Variants in MIA2 observed in about 807,000 individuals in gnomAD.
MIA2 encodes the protein MIA SH3 domain ER export factor 2.
In MIA2, 127 loss-of-function variants were observed where a neutral mutation model predicts 167.8. The observed-to-expected ratio is 0.76, with a 90% CI of 0.66 to 0.88. The LOEUF (loss-of-function observed/expected upper bound fraction) is 0.88. MIA2 is among the 40% of genes least tolerant of loss of function. The pLI is 0.00. For synonymous variants in MIA2, 552 were observed against 541.9 expected (o/e 1.02, Z -0.26); for missense variants, 1,690 against 1,624.7 (o/e 1.04, Z -0.69).
In MIA2 at chr14:39,265,537, T is replaced by C. The variant is rs183510338; in HGVS notation, c.1888-11397T>C. Reference sequence around the variant, plus strand: ...GGGAACTTGGATTTTTCTTTTTTTTTCATTTTATCCTCTGTCCTTAATATT... The same window carrying C: ...GGGAACTTGGATTTTTCTTTTTTTTCCATTTTATCCTCTGTCCTTAATATT... On this transcript the variant is annotated intron_variant, in intron 6 of 28. Coordinates refer to ENST00000640607, the MANE Select transcript of MIA2 (RefSeq NM_001329214.4). The C allele has an allele frequency of 2.6e-4, 197 of 750,494 alleles. 1 individual carries two copies. The East Asian group carries it at 4.4e-3, about 17-fold the overall frequency. 46.5% of individuals were successfully genotyped at this position (750,494 alleles called of 1,614,324 possible).
At chr14:39,334,196 C>T (rs1049380644) in intron 25 of MIA2, among the ~76,000 whole-genome samples, 10 of 152,050 alleles carry the variant, frequency 6.6e-5, no homozygotes, top group African/African-American at 2.2e-4. Context: ...CTGAACAGGC[C>T]GGGTGTGGTG....
At chr14:39,378,013 G>C (rs2075077099) in intron 23 of MIA2, among the ~76,000 whole-genome samples, 1 of 152,104 alleles carries the variant, frequency 6.6e-6, no homozygotes, top group Non-Finnish European at 1.5e-5. Context: ...GTTTTTCCAA[G>C]GGGCTCCAGT....
intron 6 of MIA2, chr14:39,266,893 C>CCGT: frequency 1.4e-6 from 1 of 705,982 alleles, no homozygotes; most frequent in Non-Finnish European, 1.7e-6. Context: ...GCCGCCGCCG[C>CCGT]CACCGCGGCC....
At chr14:39,266,294 T>C in intron 6 of MIA2, 1 of 985,392 alleles carries the variant, frequency 1.0e-6, no homozygotes, top group African/African-American at 1.7e-5. Context: ...TACACCTACG[T>C]CAGCTAAAAC....
intron 25 of MIA2, among the ~76,000 whole-genome samples, chr14:39,332,961 G>T (rs2069288048): frequency 6.6e-6 from 1 of 152,012 alleles, no homozygotes; most frequent in Admixed American, 6.6e-5. Context: ...AGCTTATCTA[G>T]TAAAAGTTTT....
At chr14:39,354,737 A>G (rs2074477440), downstream of MIA2, among the ~76,000 whole-genome samples, 1 of 152,100 alleles carries the variant, frequency 6.6e-6, no homozygotes, top group Admixed American at 6.6e-5. Context: ...TAATTTTTGT[A>G]TAAGGTGTAA....
Position 39,320,920 on chromosome 14 carries a change from T to G in MIA2, c.3368-8T>G. On this transcript the variant is annotated splice_polypyrimidine_tract_variant and splice_region_variant and intron_variant, in intron 23 of 28. Transcript: ENST00000640607. ...ATGAATTTAAATATGCTGTTTTAATTATTCCAGAGCATTCCCCATATGGTC... is the reference window on the plus strand; with the variant it reads ...ATGAATTTAAATATGCTGTTTTAATGATTCCAGAGCATTCCCCATATGGTC... The G allele has an allele frequency of 1.9e-6, 3 of 1,608,714 alleles. No individual in the cohort carries two copies. The African/African-American group carries it at 4.0e-5, about 22-fold the overall frequency.
Position 39,294,023 on chromosome 14 carries a change from A to G in MIA2, c.2343A>G (p.Ile781Met), listed in dbSNP as rs2061079603. 2 of 1,612,008 alleles carry G rather than the reference A, an allele frequency of 1.2e-6. No individual in the cohort carries two copies. The highest frequency in any genetic ancestry group is 1.7e-6 in the Non-Finnish European group (2 of 1,178,916). ...AGATGGCGGATATTTCAAAAAGGAT[A>G]CAGTCTCTAGAAGATGAGTCAAAAT... ...DELMADISKR[I>M]QSLEDESKSL... The change falls in exon 12 of 29, where the codon ATA becomes ATG. Residue 781 changes from isoleucine to methionine, a missense_variant. By Grantham distance (10) the Ile-to-Met change is conservative. Coordinates refer to ENST00000640607, the MANE Select transcript of MIA2 (RefSeq NM_001329214.4).
At chr14:39,289,538 A>G (rs139087730) in intron 9 of MIA2, among the ~76,000 whole-genome samples, 131 of 152,308 alleles carry the variant, frequency 8.6e-4, no homozygotes, top group African/African-American at 3.0e-3. Context: ...GTTGGTAAGG[A>G]CATTAATTTC....
intron 2 of MIA2, 90 bp downstream of exon 2, chr14:39,237,145 G>A: frequency 7.0e-7 from 1 of 1,434,834 alleles, no homozygotes; most frequent in Non-Finnish European, 9.5e-7. Context: ...TTTGGAAACA[G>A]GGCCTGGCTC....
At chr14:39,366,577 TGC>T (rs1156962256) in intron 23 of MIA2, among the ~76,000 whole-genome samples, 1 of 151,580 alleles carries the variant, frequency 6.6e-6, no homozygotes, top group African/African-American at 2.4e-5. Context: ...CTAGGAGGAG[TGC>T]ACAGATGCCA....
chr14:39,295,311 G>T (rs532454274), intron 13 of MIA2, among the ~76,000 whole-genome samples: 2 of 152,272 alleles, frequency 1.3e-5, no homozygotes, highest in East Asian at 3.9e-4. Flanking sequence ...GGGGTACAGA[G>T]AATATGAGTG....
At chr14:39,360,627 C>T (rs1428406427) in intron 23 of MIA2, among the ~76,000 whole-genome samples, 1 of 152,130 alleles carries the variant, frequency 6.6e-6, no homozygotes, top group Non-Finnish European at 1.5e-5. Flanking sequence ...TTGTTTCCTT[C>T]TGCCTTTGTG....
chr14:39,297,698 T>TGTGTGTGTGTG (rs3065041), intron 13 of MIA2, among the ~76,000 whole-genome samples: 2 of 148,982 alleles, frequency 1.3e-5, no homozygotes, highest in African/African-American at 2.5e-5. Flanking sequence ...TGTGTGTGTG[T>TGTGTGTGTGTG]TTGTGTGTGT....
At chr14:39,306,230 G>C (rs141956925) in intron 17 of MIA2, among the ~76,000 whole-genome samples, 142 of 152,140 alleles carry the variant, frequency 9.3e-4, no homozygotes, top group African/African-American at 3.3e-3. Context: ...ATGTTTAATG[G>C]GTTATATTAG....
At chr14:39,277,205 GT>G in intron 7 of MIA2, 140 bp downstream of exon 7, 18 of 1,168,610 alleles carry the variant, frequency 1.5e-5, no homozygotes, top group South Asian at 1.8e-5. Flanking sequence ...TTTGTTTTTT[GT>G]TTTTTTTAAA....
chr14:39,287,557 A>G (rs2059993786), intron 9 of MIA2, among the ~76,000 whole-genome samples: 1 of 150,850 alleles, frequency 6.6e-6, no homozygotes, highest in African/African-American at 2.4e-5. Context: ...TAAAAATTTT[A>G]TTATTTATTA....
At chr14:39,387,071 A>G in exon 24 of MIA2, 1 of 649,292 alleles carries the variant, frequency 1.5e-6, no homozygotes, top group East Asian at 2.9e-5. Context: ...ATCAAATTGA[A>G]GCCTTGGCCT....
chr14:39,260,956 A>T (rs1270365524), intron 6 of MIA2, among the ~76,000 whole-genome samples: 1 of 152,060 alleles, frequency 6.6e-6, no homozygotes, highest in Admixed American at 6.6e-5. Flanking sequence ...ACCATTTATT[A>T]AATAGGGGAT....
Sources: gnomAD v4.1 joint callset for allele counts (sites outside exome capture counted in the v4.1 genomes callset) on GRCh38, gnomAD v4.1.1 for gene constraint, MANE v1.5 for transcripts, NCBI Gene and HGNC (gene_info 2026-07-23, HGNC 2026-07-21) for gene names.